The following TCN1 variants were observed in gnomAD, a reference collection of about 807,000 sequenced individuals.
TCN1 encodes transcobalamin-1.
Under a neutral mutation model 46.3 loss-of-function variants are expected in TCN1, and 47 were observed. The ratio of observed to expected loss-of-function variants is 1.01; its 90% CI spans 0.80 to 1.29. The LOEUF (loss-of-function observed/expected upper bound fraction) is 1.29, where lower values mean the gene tolerates loss of function less well. TCN1 is among the 50% of genes most tolerant of loss of function. TCN1 has a pLI of 0.00. For missense variants in TCN1, 532 were observed against 511.0 expected, an observed-to-expected ratio of 1.04 and a Z score of -0.40; for synonymous variants, 183 against 192.5, an observed-to-expected ratio of 0.95 and a Z score of 0.41.
chr11:59,859,742 A>G (rs1169750990), intron 4 of TCN1, among the ~76,000 whole-genome samples: 2 of 152,194 alleles, frequency 1.3e-5, no homozygotes, highest in African/African-American at 4.8e-5. Flanking sequence ...CTGGAGGTTT[A>G]GAGAGTGGTG....
chr11:59,866,251 A>G lies in TCN1; in HGVS notation c.79+141T>C, dbSNP rs1010608471. 3.7e-6 allele frequency: 3 copies of G among 810,318 alleles called. No homozygotes were observed. In the African/African-American group the frequency reaches 5.0e-5, roughly 14 times the overall value. The allele number at this position is 810,318 out of a possible 1,614,324, so 50.2% of individuals were successfully genotyped here. On this transcript the variant is annotated intron_variant, in intron 1 of 8. Transcript: ENST00000257264. ...GAGACTTTCCTCACCATCTCCTGCCACCCTTTTCATCATTCATGGAGTCCA... is the reference window on the plus strand; with the variant it reads ...GAGACTTTCCTCACCATCTCCTGCCGCCCTTTTCATCATTCATGGAGTCCA...
chr11:59,855,968 C>T lies in TCN1; in HGVS notation c.838G>A (p.Ala280Thr), dbSNP rs1185923692. The change falls in exon 6 of 9, where the codon GCA becomes ACA. Residue 280 changes from alanine (A) to threonine (T), a missense_variant. Ala to Thr is a moderately conservative substitution (Grantham distance 58). Transcript: ENST00000257264. ...GCTGCAGCGTTTGGATTGCTGAATG[C>T]TCCTTGAGAAATTTCCGTGAGCACT... ...NTVLTEISQGAFSNPNAAAQV... is the reference protein window; with the variant it reads ...NTVLTEISQGTFSNPNAAAQV... 4 of 1,612,930 alleles carry T rather than the reference C, an allele frequency of 2.5e-6. No individual in the cohort carries two copies. The highest frequency in any genetic ancestry group is 3.4e-6 in the Non-Finnish European group (4 of 1,179,638).
At position 59,855,853 on chromosome 11, in the gene TCN1, T is replaced by C; in HGVS notation, c.937+16A>G. 1 of 1,613,646 alleles carries C rather than the reference T, an allele frequency of 6.2e-7. No individual in the cohort carries two copies. The highest frequency in any genetic ancestry group is 2.2e-5 in the East Asian group (1 of 44,868). ...TGGTGAAAAGCGAAACAGTGTGCTC[T>C]CTTTAATGCTTATACCTGAAGCAGA... On this transcript the variant is annotated intron_variant, in intron 6 of 8. Coordinates refer to ENST00000257264, the MANE Select transcript of TCN1 (RefSeq NM_001062.4).
intron 6 of TCN1, 41 bp downstream of exon 6, chr11:59,855,828 T>C (rs762066410): frequency 1.2e-6 from 2 of 1,609,434 alleles, no homozygotes; most frequent in Non-Finnish European, 1.7e-6. Context: ...TTGGGTGCTA[T>C]GGTGAAAAGC....
intron 4 of TCN1, 40 bp downstream of exon 4, chr11:59,861,487 C>G: frequency 6.2e-7 from 1 of 1,607,662 alleles, no homozygotes; most frequent in South Asian, 1.1e-5. Context: ...TACTGGTGAC[C>G]ATGTCCTCTG....
Position 59,861,573 on chromosome 11 carries a change from G to C in TCN1, c.510C>G (p.Phe170Leu), listed in dbSNP as rs1386156363. ...AATAATAGTTTTTATTTTCAGGAGT[G>C]AAGTGGTTGACAACTTCGGCGGTTG... ...NYSTAEVVNH[F>L]TPENKNYYFG... The change falls in exon 4 of 9, where the codon TTC becomes TTG. Residue 170 changes from phenylalanine to leucine, a missense_variant. Coordinates refer to ENST00000257264, the MANE Select transcript of TCN1 (RefSeq NM_001062.4). The C allele has an allele frequency of 6.2e-7, 1 of 1,614,130 alleles. No individual in the cohort carries two copies.
rs925729067 is a variant in TCN1, at chr11:59,853,041, A to G, written c.1241-5T>C. 2.5e-6 allele frequency: 4 copies of G among 1,614,164 alleles called. No individual in the cohort carries two copies. The highest frequency in any genetic ancestry group is 3.4e-6 in the Non-Finnish European group (4 of 1,179,996). On this transcript the variant is annotated splice_polypyrimidine_tract_variant and splice_region_variant and intron_variant, in intron 8 of 8. Transcript: ENST00000257264. ...GGACAACGTAACTACCAGCTCCTGA[A>G]AAGGAAGAAGAAAGAGAACTGGGTC...
At position 59,854,678 on chromosome 11, in the gene TCN1, G is replaced by C; in HGVS notation, c.1095C>G (p.Ala365=). The C allele has an allele frequency of 6.2e-7, 1 of 1,613,800 alleles. No homozygotes were observed. Among genetic ancestry groups the C allele is most frequent in the Non-Finnish European group, 8.5e-7 (1 of 1,179,844 alleles). ...CAAATATAGTATCATTCATTTTCTG[G>C]GCTTTCTCCATCACACTGAGGAAGA... ...GSVFLSVMEK[A]QKMNDTIFGF... Residue 365 remains alanine, a synonymous_variant, in exon 7 of 9, where the codon GCC becomes GCG. Transcript: ENST00000257264.
At position 59,853,031 on chromosome 11, in the gene TCN1, C is replaced by T; in HGVS notation, c.1246G>A (p.Gly416Ser). The T allele has an allele frequency of 6.2e-7, 1 of 1,614,158 alleles. No individual in the cohort carries two copies. Among genetic ancestry groups the T allele is most frequent in the Non-Finnish European group, 8.5e-7 (1 of 1,180,022 alleles). The change falls in exon 9 of 9, where the codon GGT (glycine) becomes AGT (serine). Residue 416 changes from glycine to serine, a missense_variant. Transcript: ENST00000257264. ...SGGEPLSQGA[G>S]SYVVRNGENL... ...TCTCCATTGCGGACAACGTAACTAC[C>T]AGCTCCTGAAAAGGAAGAAGAAAGA...
intron 1 of TCN1, among the ~76,000 whole-genome samples, chr11:59,865,702 A>G (rs1025168833): frequency 6.6e-6 from 1 of 152,192 alleles, no homozygotes; most frequent in African/African-American, 2.4e-5. Context: ...TTATTTATGA[A>G]TGAAGCTAAA....
chr11:59,861,362 C>T (rs1284782537), intron 4 of TCN1, among the ~76,000 whole-genome samples, 165 bp downstream of exon 4: 1 of 152,098 alleles, frequency 6.6e-6, no homozygotes. Context: ...AGCTTAAATG[C>T]CATCCATCAT....
intron 5 of TCN1, 27 bp from the exon 6 acceptor site, chr11:59,856,085 G>GGGGGGGGGGCC: frequency 3.4e-6 from 2 of 585,320 alleles, no homozygotes; most frequent in East Asian, 4.9e-5. Flanking sequence ...GGGTGGGGGG[G>GGGGGGGGGGCC]TGATGAGAGA....
rs774936000 is a variant in TCN1, at chr11:59,861,658, G to A, written c.425C>T (p.Thr142Ile). ...NMEAHNGTPLTNYYQLSLDVL... is the reference protein window; with the variant it reads ...NMEAHNGTPLINYYQLSLDVL... Reference sequence around the variant, plus strand: ...GTCCAGGCTGAGCTGGTAGTAGTTAGTCAGGGGAGTGCCATTGTGTGCTTC... The same window carrying A: ...GTCCAGGCTGAGCTGGTAGTAGTTAATCAGGGGAGTGCCATTGTGTGCTTC... Residue 142 changes from threonine to isoleucine, a missense_variant, in exon 4 of 9, where the codon ACT becomes ATT. Transcript: ENST00000257264. 5.6e-6 allele frequency: 9 copies of A among 1,614,040 alleles called. No individual in the cohort carries two copies. In the South Asian group the frequency reaches 9.9e-5, roughly 18 times the overall value.
chr11:59,866,116 T>C (rs1220195950), intron 1 of TCN1, among the ~76,000 whole-genome samples: 1 of 152,138 alleles, frequency 6.6e-6, no homozygotes, highest in Non-Finnish European at 1.5e-5. Flanking sequence ...GTCACATGAA[T>C]AGGGAGTTAC....
At chr11:59,856,201 G>C (rs1852936157) in intron 5 of TCN1, 143 bp from the exon 6 acceptor site, 2 of 679,474 alleles carry the variant, frequency 2.9e-6, no homozygotes, top group Non-Finnish European at 5.0e-6. Context: ...TGACTACCTA[G>C]GAAGCACCTC....
At chr11:59,864,687 G>GC (rs2135111541) in intron 1 of TCN1, among the ~76,000 whole-genome samples, 1 of 152,256 alleles carries the variant, frequency 6.6e-6, no homozygotes, top group South Asian at 2.1e-4. Flanking sequence ...CCTACAATAT[G>GC]CCCCAATTCC....
At chr11:59,859,927 T>C (rs1852998903) in intron 4 of TCN1, among the ~76,000 whole-genome samples, 1 of 152,226 alleles carries the variant, frequency 6.6e-6, no homozygotes, top group Admixed American at 6.5e-5. Flanking sequence ...GCCCAGGCCA[T>C]GGAGCCCAGC....
At chr11:59,861,917 G>A (rs754501145) in intron 3 of TCN1, among the ~76,000 whole-genome samples, 8 of 152,174 alleles carry the variant, frequency 5.3e-5, no homozygotes, top group Non-Finnish European at 8.8e-5. Flanking sequence ...GTCTTAAAGA[G>A]ATTAAGATGC....
In TCN1 at chr11:59,862,699, G is replaced by A. The variant is rs142875875; in HGVS notation, c.283C>T (p.Leu95Phe). The A allele has an allele frequency of 1.4e-4, 231 of 1,613,502 alleles. No individual in the cohort carries two copies. The highest frequency in any genetic ancestry group is 1.7e-4 in the Non-Finnish European group (202 of 1,179,804). Reference sequence around the variant, plus strand: ...CCCAAAGCCAGTATAATCAAGGCAAGCTCTCCCGAGCTTACATCTGACACT... The same window carrying A: ...CCCAAAGCCAGTATAATCAAGGCAAACTCTCCCGAGCTTACATCTGACACT... ...SRLSDVSSGE[L>F]ALIILALGVC... Residue 95 changes from leucine to phenylalanine, a missense_variant, in exon 3 of 9, where the codon CTT (leucine) becomes TTT (phenylalanine). Transcript: ENST00000257264.
Sources: allele counts gnomAD v4.1 joint callset (sites outside exome capture counted in the v4.1 genomes callset), GRCh38; gene constraint gnomAD v4.1.1; transcripts MANE v1.5; gene names NCBI Gene and HGNC (gene_info 2026-07-23, HGNC 2026-07-21).